The following AMACR variants were observed in gnomAD, a reference collection of about 807,000 sequenced individuals.
The protein encoded by AMACR is alpha-methylacyl-CoA racemase, also known as 2-methylacyl-CoA racemase.
Under a neutral mutation model 22.2 loss-of-function variants are expected in AMACR, and 18 were observed. The ratio of observed to expected loss-of-function variants is 0.81; its 90% CI spans 0.56 to 1.20. AMACR has a LOEUF of 1.20. AMACR is among the 50% of genes most tolerant of loss of function. AMACR has a pLI of 0.00. For missense variants in AMACR, 499 were observed against 490.6 expected, an observed-to-expected ratio of 1.02 and a Z score of -0.16; for synonymous variants, 213 against 191.3, an observed-to-expected ratio of 1.11 and a Z score of -0.94.
Position 34,005,826 on chromosome 5 carries a change from C to G in AMACR, c.321G>C (p.Leu107=), listed in dbSNP as rs1753955639. Residue 107 remains leucine (L), a synonymous_variant, in exon 2 of 5, where the codon CTG becomes CTC. Transcript: ENST00000335606. ...AGCTTCCTGACTGGCCAAATCCACT[C>G]AGCCTGGCATAAATAAGCCTTGGAT... is the stretch of plus-strand genomic sequence containing the variant. ...RENPRLIYAR[L]SGFGQSGSFC... The G allele has an allele frequency of 6.2e-7, 1 of 1,614,036 alleles. No individual in the cohort carries two copies. Among genetic ancestry groups the G allele is most frequent in the Non-Finnish European group, 8.5e-7 (1 of 1,180,034 alleles).
chr5:34,000,753 A>G (rs1396633732), intron 3 of AMACR, among the ~76,000 whole-genome samples: 1 of 152,244 alleles, frequency 6.6e-6, no homozygotes, highest in Non-Finnish European at 1.5e-5. Context: ...TAATAAACTG[A>G]ATACTGAAAG....
chr5:33,991,722 C>G (rs1561037796), intron 4 of AMACR, among the ~76,000 whole-genome samples: 1 of 83,852 alleles, frequency 1.2e-5, no homozygotes, highest in Non-Finnish European at 2.4e-5. Context: ...ATTGTAAACA[C>G]TATTTTATTA....
At chr5:34,005,327 G>A (rs1382878290) in intron 2 of AMACR, among the ~76,000 whole-genome samples, 2 of 152,230 alleles carry the variant, frequency 1.3e-5, no homozygotes, top group African/African-American at 4.8e-5. Flanking sequence ...AGTGCTCATA[G>A]AAGTCTGAAA....
intron 3 of AMACR, 31 bp downstream of exon 3, chr5:34,004,543 G>A (rs1235567004): frequency 1.2e-6 from 2 of 1,613,712 alleles, no homozygotes; most frequent in East Asian, 2.2e-5. Context: ...TTAGGGACAA[G>A]TGGCAGGCAT....
chr5:33,997,320 G>A (rs1032323448), intron 4 of AMACR: 19 of 774,020 alleles, frequency 2.5e-5, no homozygotes, highest in African/African-American at 6.8e-5. Context: ...CAGCCTGAGT[G>A]TAACATAAAT....
Position 33,988,244 on chromosome 5 carries a change from A to G in AMACR, c.*849T>C. 7.2e-7 allele frequency: 1 copy of G among 1,387,582 alleles called. No individual in the cohort carries two copies. Among genetic ancestry groups the G allele is most frequent in the African/African-American group, 1.4e-5 (1 of 69,734 alleles). 86.0% of individuals were successfully genotyped at this position (1,387,582 alleles called of 1,614,324 possible). A position where few individuals can be genotyped will look rare whatever the true frequency, so the allele number is the denominator to read the frequency against. ...TTCTTTGTCAAAGACAGGTATAAGA[A>G]AGGCTTGTAACTTAACTCAGTCCAA... On this transcript the variant is annotated 3_prime_UTR_variant, in exon 5 of 5. Transcript: ENST00000335606.
rs1420276294 is a variant in AMACR at position 34,007,980 on chromosome 5, G to C, written c.40C>G (p.Leu14Val). 1.9e-6 allele frequency: 3 copies of C among 1,611,682 alleles called. No homozygotes were observed. The highest frequency in any genetic ancestry group is 2.7e-5 in the African/African-American group (2 of 75,046). Residue 14 changes from leucine (L) to valine (V), a missense_variant, in exon 1 of 5, where the codon CTG becomes GTG. By Grantham distance (32) the Leu-to-Val change is conservative (BLOSUM62 1). Transcript: ENST00000335606. The stretch of plus-strand genomic sequence containing the variant: ...ATAGCACAGAACGGGCCCGGGGCCA[G>C]GCCGGACAGCTCCACGACCGAGATG... ...QGISVVELSG[L>V]APGPFCAMVL...
At chr5:33,997,443 A>C (rs1561041322) in intron 4 of AMACR, 1 of 778,658 alleles carries the variant, frequency 1.3e-6, no homozygotes, top group Admixed American at 1.7e-5. Context: ...CCATTGCTTC[A>C]CACTGACGAG....
At position 34,007,726 on chromosome 5, in the gene AMACR, C is replaced by T. The variant is rs760920197; in HGVS notation, c.247+47G>A. On this transcript the variant is annotated intron_variant, in intron 1 of 4. Transcript: ENST00000335606. ...CCTCGATCGAACGGCCAGGCCCCTCCCCTCCGCGGGAACTTCCCGAGAGCA... is the reference window on the plus strand; with the variant it reads ...CCTCGATCGAACGGCCAGGCCCCTCTCCTCCGCGGGAACTTCCCGAGAGCA... 6 of 1,508,936 alleles carry T rather than the reference C, an allele frequency of 4.0e-6. No individual in the cohort carries two copies. The African/African-American group carries it at 5.5e-5, about 14-fold the overall frequency. The allele number at this position is 1,508,936 out of a possible 1,614,324, so 93.5% of individuals were successfully genotyped here.
Position 33,998,779 on chromosome 5 carries a change from A to G in AMACR, c.601T>C (p.Leu201=). 6.2e-7 allele frequency: 1 copy of G among 1,614,120 alleles called. No individual in the cohort carries two copies. Among genetic ancestry groups the G allele is most frequent in the African/African-American group, 1.3e-5 (1 of 75,040 alleles). Residue 201 remains leucine, a synonymous_variant, in exon 4 of 5, where the codon TTG becomes CTG. Coordinates refer to ENST00000335606, the MANE Select transcript of AMACR (RefSeq NM_014324.6). ...LSSFLWKTQK[L]SLWEAPRGQN... ...CCTCGAGGTGCTTCCCACAGACTCA[A>G]TTTCTGAGTTTTCCACAGAAAAGAA...
In AMACR at chr5:33,989,071, A is replaced by T. The variant is rs1753386071; in HGVS notation, c.*22T>A. On this transcript the variant is annotated 3_prime_UTR_variant, in exon 5 of 5. Coordinates refer to ENST00000335606, the MANE Select transcript of AMACR (RefSeq NM_014324.6). ...CACTGTAAATGCAGTATTCAAATTC[A>T]CTTGAGCCGTGGGCCTGGAAGTTAG... 6.2e-7 allele frequency: 1 copy of T among 1,613,860 alleles called. No individual in the cohort carries two copies. Among genetic ancestry groups the T allele is most frequent in the South Asian group, 1.1e-5 (1 of 90,946 alleles).
At chr5:33,992,852 T>A (rs1408408363) in intron 4 of AMACR, among the ~76,000 whole-genome samples, 1 of 152,218 alleles carries the variant, frequency 6.6e-6, no homozygotes, top group Middle Eastern at 3.2e-3. Flanking sequence ...ATTGCTTTTT[T>A]TTTTCCTAGC....
At chr5:33,991,415 A>G (rs1429534476) in intron 4 of AMACR, among the ~76,000 whole-genome samples, 1 of 152,204 alleles carries the variant, frequency 6.6e-6, no homozygotes, top group Non-Finnish European at 1.5e-5. Flanking sequence ...CCATAATTGT[A>G]TAAATACAGT....
chr5:33,988,112 G>T lies in AMACR; in HGVS notation c.*981C>A. ...ATTCTCTACTCCCTCTACTCTGATG[G>T]CACCCGGATTAGATTGTGGAATCTA... is the stretch of plus-strand genomic sequence containing the variant. On this transcript the variant is annotated 3_prime_UTR_variant, in exon 5 of 5. Coordinates refer to ENST00000335606, the MANE Select transcript of AMACR (RefSeq NM_014324.6). 1.9e-6 allele frequency: 1 copy of T among 517,154 alleles called. No homozygotes were observed. The highest frequency in any genetic ancestry group is 3.4e-6 in the Non-Finnish European group (1 of 291,608). 32.0% of individuals were successfully genotyped at this position (517,154 alleles called of 1,614,324 possible). A position where few individuals can be genotyped will look rare whatever the true frequency, so the allele number is the denominator to read the frequency against.
chr5:34,007,687 T>A, intron 1 of AMACR, 86 bp downstream of exon 1: 2 of 1,444,414 alleles, frequency 1.4e-6, no homozygotes, highest in Admixed American at 5.1e-5. Context: ...AGGGCAAAGG[T>A]GTGGCGGGTG....
chr5:33,997,185 C>T lies in AMACR; in HGVS notation c.739+1456G>A, dbSNP rs1579577225. Reference sequence around the variant, plus strand: ...TAGCAATTCTGCTGTTTTGTCATACCCTATATGAGGGTTGAGAGCTGTCAC... The same window carrying T: ...TAGCAATTCTGCTGTTTTGTCATACTCTATATGAGGGTTGAGAGCTGTCAC... On this transcript the variant is annotated intron_variant, in intron 4 of 4. Transcript: ENST00000335606. 4 of 754,380 alleles carry T rather than the reference C, an allele frequency of 5.3e-6. No individual in the cohort carries two copies. In the East Asian group the frequency reaches 9.7e-5, roughly 18 times the overall value. 46.7% of individuals were successfully genotyped at this position (754,380 alleles called of 1,614,324 possible).
At position 33,989,317 on chromosome 5, in the gene AMACR, T is replaced by C; in HGVS notation, c.925A>G (p.Asn309Asp). 1.2e-6 allele frequency: 2 copies of C among 1,614,138 alleles called. No individual in the cohort carries two copies. Among genetic ancestry groups the C allele is most frequent in the Non-Finnish European group, 1.7e-6 (2 of 1,180,024 alleles). The change falls in exon 5 of 5, where the codon AAC becomes GAC. Residue 309 changes from asparagine to aspartate, a missense_variant. Asn to Asp is a conservative substitution (Grantham distance 23). Coordinates refer to ENST00000335606, the MANE Select transcript of AMACR (RefSeq NM_014324.6). ...TFEEVVHHDH[N>D]KERGSFITSE... ...GTGATAAACGAGCCCCGTTCCTTGT[T>C]GTGATCATGATGAACAACCTCCTCA...
At chr5:33,994,325 C>T (rs964900992) in intron 4 of AMACR, among the ~76,000 whole-genome samples, 2 of 152,094 alleles carry the variant, frequency 1.3e-5, no homozygotes, top group Non-Finnish European at 2.9e-5. Context: ...ATTACAGACA[C>T]GCGCCACCAT....
intron 3 of AMACR, among the ~76,000 whole-genome samples, chr5:34,000,539 C>T (rs922246262): frequency 1.3e-5 from 2 of 151,770 alleles, no homozygotes; most frequent in Non-Finnish European, 2.9e-5. Context: ...ACTCTGTTGC[C>T]CAGGTTGGAG....
Sources: allele counts gnomAD v4.1 joint callset (sites outside exome capture counted in the v4.1 genomes callset), GRCh38; gene constraint gnomAD v4.1.1; transcripts MANE v1.5; gene names NCBI Gene and HGNC (gene_info 2026-07-23, HGNC 2026-07-21).